CFI: variants seen among roughly 807,000 people sequenced by gnomAD.
The protein encoded by CFI is C3B/C4B inactivator.
Under a neutral mutation model 78.8 loss-of-function variants are expected in CFI, and 66 were observed. That is an observed-to-expected ratio of 0.84 (90% confidence interval 0.69 to 1.03). The LOEUF (loss-of-function observed/expected upper bound fraction) is 1.03. CFI is among the 50% of genes least tolerant of loss of function. The probability of loss-of-function intolerance (pLI) is 0.00; values close to 1 mark genes in which losing one functional copy is unlikely to be tolerated. For synonymous variants in CFI, 250 were observed against 232.6 expected, an observed-to-expected ratio of 1.07 and a Z score of -0.68; for missense variants, 706 against 704.5, an observed-to-expected ratio of 1.00 and a Z score of -0.02.
At chr4:109,800,783 A>ATGTG (rs201527532) in intron 1 of CFI, among the ~76,000 whole-genome samples, 2 of 147,854 alleles carry the variant, frequency 1.4e-5, no homozygotes, top group Non-Finnish European at 3.0e-5. Context: ...ACACATACAT[A>ATGTG]TGTGTGTGTG....
At chr4:109,794,511 G>T (rs1731801045) in intron 1 of CFI, 1 of 152,028 alleles carries the variant, frequency 6.6e-6, no homozygotes, top group South Asian at 2.1e-4. Flanking sequence ...CTATTTGTTG[G>T]CCAGTCACGG....
At position 109,749,337 on chromosome 4, in the gene CFI, G is replaced by T. The variant is rs746620082; in HGVS notation, c.1045-16C>A. ...GGAGGTCTCCCTGTAAAAGACATTT[G>T]TGTGGTCACTGCCATTCTAACAGAT... On this transcript the variant is annotated splice_polypyrimidine_tract_variant and intron_variant, in intron 9 of 12. Coordinates refer to ENST00000394634, the MANE Select transcript of CFI (RefSeq NM_000204.5). 1.9e-6 allele frequency: 3 copies of T among 1,603,728 alleles called. No individual in the cohort carries two copies. The highest frequency in any genetic ancestry group is 1.7e-5 in the Admixed American group (1 of 59,998).
chr4:109,734,960 T>G, the CFI span, among the ~76,000 whole-genome samples: 1 of 152,174 alleles, frequency 6.6e-6, no homozygotes, highest in Non-Finnish European at 1.5e-5. Context: ...GGCTTTCTTT[T>G]CTTTTCTTTT....
intron 8 of CFI, among the ~76,000 whole-genome samples, chr4:109,752,154 G>T (rs1487982499): frequency 1.3e-5 from 2 of 152,038 alleles, no homozygotes; most frequent in African/African-American, 2.4e-5. Flanking sequence ...ATGCTTGAGA[G>T]CTGCTTGTTT....
intron 3 of CFI, 186 bp from the exon 4 acceptor site, chr4:109,761,878 A>C: frequency 3.4e-6 from 2 of 587,756 alleles, no homozygotes; most frequent in Non-Finnish European, 3.0e-6. Flanking sequence ...TAACTACCTC[A>C]CTGGGTTTTG....
At chr4:109,791,223 A>T (rs1336545207) in intron 1 of CFI, among the ~76,000 whole-genome samples, 1 of 151,876 alleles carries the variant, frequency 6.6e-6, no homozygotes, top group Non-Finnish European at 1.5e-5. Flanking sequence ...TTTTCATATG[A>T]TTGCTGCTGC....
At chr4:109,764,360 G>T in intron 3 of CFI, 177 bp downstream of exon 3, 1 of 701,318 alleles carries the variant, frequency 1.4e-6, no homozygotes, top group Non-Finnish European at 2.5e-6. Context: ...TGTCAGCAGG[G>T]TTCCAAGTGT....
intron 3 of CFI, 36 bp downstream of exon 3, chr4:109,764,501 T>C: frequency 1.9e-6 from 3 of 1,612,222 alleles, no homozygotes; most frequent in Middle Eastern, 3.3e-4. Flanking sequence ...AACAATTAAA[T>C]CAGCCATGAG....
chr4:109,760,695 T>G (rs1021635917), intron 4 of CFI, 59 bp from the exon 5 acceptor site: 39 of 994,410 alleles, frequency 3.9e-5, no homozygotes, highest in Non-Finnish European at 6.2e-5. Context: ...ATGACATCCT[T>G]ATCAGATTTT....
intron 1 of CFI, 60 bp downstream of exon 1, chr4:109,801,855 T>G: frequency 8.8e-7 from 1 of 1,135,510 alleles, no homozygotes; most frequent in Admixed American, 1.8e-5. Context: ...TTATTTTCTA[T>G]GTTTTTACAA....
At chr4:109,792,395 G>A (rs927935283) in intron 1 of CFI, among the ~76,000 whole-genome samples, 4 of 152,114 alleles carry the variant, frequency 2.6e-5, no homozygotes, top group Non-Finnish European at 4.4e-5. Flanking sequence ...GGGCAACATG[G>A]TGAAACCCTG....
At chr4:109,775,145 T>A (rs1052276005) in intron 1 of CFI, among the ~76,000 whole-genome samples, 4 of 152,088 alleles carry the variant, frequency 2.6e-5, no homozygotes, top group Non-Finnish European at 4.4e-5. Flanking sequence ...AGGTACCAAG[T>A]TCATCTCACT....
At chr4:109,795,463 GAAAA>G (rs1382451607) in intron 1 of CFI, among the ~76,000 whole-genome samples, 1 of 152,106 alleles carries the variant, frequency 6.6e-6, no homozygotes, top group Non-Finnish European at 1.5e-5. Context: ...GGATTATGAA[GAAAA>G]AAGACACTAT....
intron 6 of CFI, among the ~76,000 whole-genome samples, chr4:109,759,133 AC>A (rs1465314781): frequency 6.6e-6 from 1 of 151,944 alleles, no homozygotes; most frequent in Non-Finnish European, 1.5e-5. Flanking sequence ...AAAATATTAA[AC>A]CTTGCTCTTA....
chr4:109,766,427 G>C lies in CFI; in HGVS notation c.328+127C>G. On this transcript the variant is annotated intron_variant, in intron 2 of 12. Transcript: ENST00000394634. ...TTTAGTGATTACTCCAATTATTATTGAGAGTCTAGAAAAAAATTTTGAGTT... is the reference window on the plus strand; with the variant it reads ...TTTAGTGATTACTCCAATTATTATTCAGAGTCTAGAAAAAAATTTTGAGTT... 5.9e-6 allele frequency: 6 copies of C among 1,021,048 alleles called. No individual in the cohort carries two copies. The South Asian group carries it at 8.1e-5, about 14-fold the overall frequency. The allele number at this position is 1,021,048 out of a possible 1,614,324, so 63.2% of individuals were successfully genotyped here. A position where few individuals can be genotyped will look rare whatever the true frequency, so the allele number is the denominator to read the frequency against.
chr4:109,742,453 T>G, intron 12 of CFI, 38 bp downstream of exon 12: 1 of 1,295,968 alleles, frequency 7.7e-7, no homozygotes, highest in Non-Finnish European at 1.1e-6. Flanking sequence ...GGGAAATACA[T>G]ACATCTTGAC....
the CFI span, among the ~76,000 whole-genome samples, chr4:109,734,382 G>A: frequency 6.6e-6 from 1 of 152,186 alleles, no homozygotes; most frequent in Admixed American, 6.5e-5. Flanking sequence ...GCTGATATGA[G>A]GAAGGTGAGG....
intron 1 of CFI, among the ~76,000 whole-genome samples, chr4:109,797,806 T>C (rs1188964794): frequency 6.6e-6 from 1 of 152,162 alleles, no homozygotes; most frequent in African/African-American, 2.4e-5. Context: ...AATAGGTACT[T>C]GAAAAGGTGT....
At position 109,741,002 on chromosome 4, in the gene CFI, TC is replaced by T. The variant is rs1723720158; in HGVS notation, c.1642del (p.Glu548LysfsTer26). 2 of 1,613,954 alleles carry T rather than the reference TC, an allele frequency of 1.2e-6. No homozygotes were observed. The highest frequency in any genetic ancestry group is 1.1e-5 in the South Asian group (1 of 91,080). On this transcript the variant is annotated frameshift_variant, in exon 13 of 13. Transcript: ENST00000394634. LOFTEE classifies it high-confidence loss of function. ...TYVWGVVSWG[E>X]NCGKPEFPGV... ...TGGGAACTCTGGTTTTCCACAGTTT[TC>T]CCCCCAACTCACAACACCCCAGACA...
Sources: allele counts gnomAD v4.1 joint callset (sites outside exome capture counted in the v4.1 genomes callset), GRCh38; gene constraint gnomAD v4.1.1; transcripts MANE v1.5; gene names NCBI Gene and HGNC (gene_info 2026-07-23, HGNC 2026-07-21).